The following PHEX variants were observed in gnomAD, a reference collection of about 807,000 sequenced individuals.
PHEX encodes phosphate-regulating neutral endopeptidase PHEX.
Under a neutral mutation model 68.0 loss-of-function variants are expected in PHEX, and 16 were observed. That is an observed-to-expected ratio of 0.24 (90% CI 0.16 to 0.36). The LOEUF is 0.36. Ranked by LOEUF, PHEX falls within the 10% of genes least tolerant of loss-of-function variation. The pLI is 1.00. For synonymous variants in PHEX, 208 were observed against 205.1 expected (o/e 1.01, Z -0.12); for missense variants, 480 against 575.5 (o/e 0.83, Z 1.70).
At chrX:22,108,975 A>G (rs780639773) in intron 9 of PHEX, among the ~76,000 whole-genome samples, 2 of 110,892 alleles carry the variant, frequency 1.8e-5, no homozygotes, top group South Asian at 3.9e-4. Context: ...AGCGGTTTAC[A>G]TATAGCTGTG....
At chrX:22,146,847 T>A (rs201216102) in intron 12 of PHEX, among the ~76,000 whole-genome samples, 26 of 63,743 alleles carry the variant, frequency 4.1e-4, no homozygotes, top group African/African-American at 1.3e-3. Context: ...TAAAATTAAT[T>A]AATTAATTAA....
intron 5 of PHEX, among the ~76,000 whole-genome samples, chrX:22,078,948 A>G (rs760158856): frequency 2.7e-5 from 3 of 112,266 alleles, no homozygotes; most frequent in African/African-American, 9.7e-5. Flanking sequence ...TTCTAATGCT[A>G]TCAGGATAAG....
intron 11 of PHEX, among the ~76,000 whole-genome samples, chrX:22,116,256 A>G (rs1451165052): frequency 3.6e-5 from 4 of 111,914 alleles, no homozygotes; most frequent in African/African-American, 1.3e-4. Flanking sequence ...TCGTCTTTGG[A>G]AAAATGTCTA....
intron 20 of PHEX, among the ~76,000 whole-genome samples, chrX:22,240,782 G>A (rs1936161599): frequency 9.0e-6 from 1 of 111,445 alleles, no homozygotes; most frequent in African/African-American, 3.3e-5. Flanking sequence ...GACCTACAAA[G>A]AGACTTAGAT....
Position 22,099,155 on chromosome X carries a change from A to T in PHEX, c.1079+4A>T. ...TATTAGGGTCTGAGAGAAAGAAGTAAGAACTTTCACATGAATTTTACTGTG... is the reference window on the plus strand; with the variant it reads ...TATTAGGGTCTGAGAGAAAGAAGTATGAACTTTCACATGAATTTTACTGTG... On this transcript the variant is annotated splice_donor_region_variant and intron_variant, in intron 9 of 21. Transcript: ENST00000379374. 1 of 1,202,024 alleles carries T rather than the reference A, an allele frequency of 8.3e-7. No individual in the cohort carries two copies. Among genetic ancestry groups the T allele is most frequent in the African/African-American group, 1.7e-5 (1 of 57,640 alleles).
chrX:22,097,539 A>C (rs757018367), intron 8 of PHEX, among the ~76,000 whole-genome samples: 11 of 111,829 alleles, frequency 9.8e-5, no homozygotes, highest in African/African-American at 2.9e-4. Context: ...GAACATCTCC[A>C]GATGTCTTCC....
intron 11 of PHEX, among the ~76,000 whole-genome samples, chrX:22,121,737 T>C (rs1315042953): frequency 1.8e-5 from 2 of 112,533 alleles, no homozygotes; most frequent in Admixed American, 9.4e-5. Flanking sequence ...TCTCCTGCAC[T>C]CTAGCAGCTA....
chrX:22,149,953 A>T (rs1932819470), intron 12 of PHEX, among the ~76,000 whole-genome samples: 1 of 111,180 alleles, frequency 9.0e-6, no homozygotes, highest in African/African-American at 3.3e-5. Flanking sequence ...AAAAGGAGAA[A>T]GTCTCTTTTC....
chrX:22,116,802 T>C (rs1293842243), intron 11 of PHEX, among the ~76,000 whole-genome samples: 3 of 111,306 alleles, frequency 2.7e-5, no homozygotes, highest in Non-Finnish European at 5.7e-5. Flanking sequence ...GCCTGGAATG[T>C]AACAAAGAGC....
chrX:22,056,107 T>C (rs746930461), intron 3 of PHEX, among the ~76,000 whole-genome samples: 1 of 112,449 alleles, frequency 8.9e-6, no homozygotes, highest in South Asian at 3.7e-4. Flanking sequence ...CCACTTCAAA[T>C]AGATTGAAAT....
chrX:22,036,525 A>T (rs1927027341), intron 1 of PHEX, among the ~76,000 whole-genome samples: 1 of 111,289 alleles, frequency 9.0e-6, no homozygotes. Flanking sequence ...TAGGATCAAG[A>T]AGGTATTGTC....
At chrX:22,085,769 TATTCTGCAGCA>T (rs1204266850) in intron 5 of PHEX, among the ~76,000 whole-genome samples, 6 of 111,695 alleles carry the variant, frequency 5.4e-5, no homozygotes, top group African/African-American at 2.0e-4. Flanking sequence ...AAAGAATATG[TATTCTGCAGCA>T]ATTGGGTGAA....
At chrX:22,140,004 T>C (rs1932390465) in intron 12 of PHEX, among the ~76,000 whole-genome samples, 1 of 110,906 alleles carries the variant, frequency 9.0e-6, no homozygotes, top group Non-Finnish European at 1.9e-5. Flanking sequence ...AAAACACCAA[T>C]TGCCAGCCCC....
intron 3 of PHEX, among the ~76,000 whole-genome samples, chrX:22,069,368 T>G (rs148198532): frequency 0.028 from 3,158 of 112,047 alleles, 52 homozygotes; most frequent in South Asian, 0.16. Context: ...GAAATTATTT[T>G]GAAGTATAAC....
rs1294466267 is a variant in PHEX, at chrX:22,249,338, A to T, written c.*1385A>T. The stretch of plus-strand genomic sequence containing the variant: ...CCCTTTACATTATTCATTAGACATG[A>T]GGTGCTGGGTTAAGTGGGCCAATAG... On this transcript the variant is annotated 3_prime_UTR_variant, in exon 22 of 22. Transcript: ENST00000379374. The T allele has an allele frequency of 9.8e-6, 1 of 102,043 alleles. No homozygotes were observed. The highest frequency in any genetic ancestry group is 3.0e-4 in the East Asian group (1 of 3,345). 8.4% of individuals were successfully genotyped at this position (102,043 alleles called of 1,213,427 possible).
rs767503875 is a variant in PHEX, at chrX:22,035,999, T to TACACACACACACACACAC, written c.119-2455_119-2438dup. 8.5e-4 allele frequency among the ~76,000 whole-genome samples: 65 copies of TACACACACACACACACAC among 76,773 alleles called. 1 individual carries two copies. Among genetic ancestry groups the TACACACACACACACACAC allele is most frequent in the Non-Finnish European group, 1.1e-3 (48 of 41,958 alleles). The allele number at this position is 76,773 out of a possible 115,157, so 66.7% of individuals were successfully genotyped here. A position where few individuals can be genotyped will look rare whatever the true frequency, so the allele number is the denominator to read the frequency against. ...TGTCAGTGTCCCAATTAATTAATTATACACACACACACACACACACACACA... is the reference window on the plus strand; with the variant it reads ...TGTCAGTGTCCCAATTAATTAATTATACACACACACACACACACACACACACACACACACACACACACA... On this transcript the variant is annotated intron_variant, in intron 1 of 21. Coordinates refer to ENST00000379374, the MANE Select transcript of PHEX (RefSeq NM_000444.6).
At chrX:22,181,725 C>CT (rs1308783082) in intron 14 of PHEX, among the ~76,000 whole-genome samples, 1 of 111,679 alleles carries the variant, frequency 9.0e-6, no homozygotes, top group African/African-American at 3.2e-5. Flanking sequence ...GGAGTATCTA[C>CT]TTTTTTGTGT....
intron 12 of PHEX, among the ~76,000 whole-genome samples, chrX:22,142,104 T>G (rs1023886385): frequency 7.2e-5 from 8 of 111,063 alleles, no homozygotes; most frequent in African/African-American, 2.6e-4. Context: ...TACAAAAAAT[T>G]AGCCGGGTGT....
At position 22,099,747 on chromosome X, in the gene PHEX, AG is replaced by A. The variant is rs769021286; in HGVS notation, c.1079+598del. ...AATATTCCAGGAAGGAGAATTTTAC[AG>A]GTTCCTTAAGGCATTCAGCTTTGAC... On this transcript the variant is annotated intron_variant, in intron 9 of 21. Transcript: ENST00000379374. 5.8e-3 allele frequency among the ~76,000 whole-genome samples: 652 copies of A among 112,496 alleles called. 3 individuals are homozygous for A. Among genetic ancestry groups the A allele is most frequent in the African/African-American group, 0.02 (618 of 31,024 alleles).
Sources: gnomAD v4.1 joint callset for allele counts (sites outside exome capture counted in the v4.1 genomes callset) on GRCh38, gnomAD v4.1.1 for gene constraint, MANE v1.5 for transcripts, NCBI Gene and HGNC (gene_info 2026-07-23, HGNC 2026-07-21) for gene names.